The following CPVL variants were observed in gnomAD, a reference collection of about 807,000 sequenced individuals.
CPVL encodes probable serine carboxypeptidase CPVL.
Under a neutral mutation model 63.7 loss-of-function variants are expected in CPVL, and 51 were observed. The ratio of observed to expected loss-of-function variants is 0.80; its 90% CI spans 0.64 to 1.01. CPVL has a LOEUF of 1.01. Ranked by LOEUF, CPVL falls within the 50% of genes least tolerant of loss-of-function variation. The probability of loss-of-function intolerance (pLI) is 0.00; values close to 1 mark genes in which losing one functional copy is unlikely to be tolerated. For synonymous variants in CPVL, 195 were observed against 206.0 expected (o/e 0.95, Z 0.46); for missense variants, 530 against 573.1 (o/e 0.92, Z 0.77).
chr7:29,020,962 G>C (rs1786906989), intron 12 of CPVL, among the ~76,000 whole-genome samples: 2 of 152,158 alleles, frequency 1.3e-5, no homozygotes, highest in Admixed American at 6.5e-5. Context: ...GATCACTTGA[G>C]GTCAGGAGTT....
intron 1 of CPVL, among the ~76,000 whole-genome samples, chr7:29,139,206 A>C (rs1159289038): frequency 6.6e-6 from 1 of 152,218 alleles, no homozygotes. Context: ...CAAGGTCAAA[A>C]GTTCCAGCCT....
rs532430795 is a variant in CPVL, at chr7:29,096,722, G to A, written c.289-505C>T. Among the ~76,000 whole-genome samples, 224 of 152,176 alleles carry A rather than the reference G, an allele frequency of 1.5e-3. 1 individual carries two copies. Among genetic ancestry groups the A allele is most frequent in the African/African-American group, 5.2e-3 (214 of 41,526 alleles). On this transcript the variant is annotated intron_variant, in intron 3 of 12. Transcript: ENST00000265394. ...TTCACAGCTGGTCGCGGTGGCTCAC[G>A]CCTGTAATCCCAGCACTTTGGGAGG... is the stretch of plus-strand genomic sequence containing the variant.
chr7:29,086,442 G>A, intron 7 of CPVL, 42 bp downstream of exon 7: 2 of 1,346,634 alleles, frequency 1.5e-6, no homozygotes, highest in Non-Finnish European at 2.1e-6. Context: ...TGTCAGTTCT[G>A]GTGATGTTTG....
intron 1 of CPVL, among the ~76,000 whole-genome samples, chr7:29,132,768 C>G (rs1476585968): frequency 6.6e-6 from 1 of 152,106 alleles, no homozygotes; most frequent in African/African-American, 2.4e-5. Flanking sequence ...GTTTTGAGCT[C>G]CCTCAGAGGC....
At chr7:29,133,429 A>C (rs1461764966) in intron 1 of CPVL, among the ~76,000 whole-genome samples, 1 of 152,224 alleles carries the variant, frequency 6.6e-6, no homozygotes, top group East Asian at 1.9e-4. Context: ...CTAGAAGTCT[A>C]TCCTTGGCCC....
intron 5 of CPVL, among the ~76,000 whole-genome samples, chr7:29,155,478 C>T (rs1794232077): frequency 6.6e-6 from 1 of 152,174 alleles, no homozygotes; most frequent in African/African-American, 2.4e-5. Flanking sequence ...TTATATTCTC[C>T]ATTTTCTAAT....
chr7:29,039,401 G>A (rs976026528), intron 11 of CPVL, among the ~76,000 whole-genome samples: 6 of 152,110 alleles, frequency 3.9e-5, no homozygotes, highest in African/African-American at 1.4e-4. Flanking sequence ...AGAAGAGTAC[G>A]TTTACAGACA....
Position 29,072,416 on chromosome 7 carries a change from G to A in CPVL, c.617C>T (p.Ala206Val). ...TGCAATGGCTGGCACATATTTCCCT[G>A]CATAAGACTGAGAAGGACAGATGTT... is the stretch of plus-strand genomic sequence containing the variant. ...NDFYVTGESY[A>V]GKYVPAIAHL... The change falls in exon 8 of 13, where the codon GCA becomes GTA. Residue 206 changes from alanine (A) to valine (V), a missense_variant. Transcript: ENST00000265394. 12 of 1,613,738 alleles carry A rather than the reference G, an allele frequency of 7.4e-6. No homozygotes were observed. Among genetic ancestry groups the A allele is most frequent in the Non-Finnish European group, 1.0e-5 (12 of 1,179,818 alleles).
intron 5 of CPVL, among the ~76,000 whole-genome samples, chr7:29,170,327 C>T (rs1265109042): frequency 6.6e-6 from 1 of 152,158 alleles, no homozygotes; most frequent in African/African-American, 2.4e-5. Flanking sequence ...TCTTCAAACA[C>T]AAGATTTTAA....
chr7:29,029,026 T>A lies in CPVL; in HGVS notation c.1320+1551A>T, dbSNP rs569731265. Among the ~76,000 whole-genome samples the A allele has an allele frequency of 2.1e-5, 3 of 144,168 alleles. No homozygotes were observed. In the South Asian group the frequency reaches 6.7e-4, roughly 32 times the overall value. The allele number at this position is 144,168 out of a possible 152,430, so 94.6% of individuals were successfully genotyped here. On this transcript the variant is annotated intron_variant, in intron 12 of 12. Transcript: ENST00000265394. The stretch of plus-strand genomic sequence containing the variant: ...AATAGACATTTCTCAAAAGAAGACA[T>A]ACAGGTGCCCAACAGGTATATGGAA...
chr7:29,146,425 T>G lies in CPVL; in HGVS notation c.-11+4A>C. 1 of 1,145,476 alleles carries G rather than the reference T, an allele frequency of 8.7e-7. No individual in the cohort carries two copies. The highest frequency in any genetic ancestry group is 1.2e-6 in the Non-Finnish European group (1 of 838,142). 71.0% of individuals were successfully genotyped at this position (1,145,476 alleles called of 1,614,324 possible). On this transcript the variant is annotated splice_donor_region_variant and intron_variant, in intron 1 of 12. Coordinates refer to ENST00000265394, the MANE Select transcript of CPVL (RefSeq NM_031311.5). ...ACGACCCACGCAGGGCAGGCGGCAC[T>G]TACGCGGCGCAGTCGGTGCTCCTCC...
intron 7 of CPVL, among the ~76,000 whole-genome samples, chr7:29,075,002 T>C (rs1784102983): frequency 6.6e-6 from 1 of 152,140 alleles, no homozygotes; most frequent in African/African-American, 2.4e-5. Context: ...ATGACTTATC[T>C]GGCATTACTT....
intron 1 of CPVL, among the ~76,000 whole-genome samples, chr7:29,142,391 T>C (rs1453150764): frequency 1.3e-5 from 2 of 152,198 alleles, no homozygotes; most frequent in Non-Finnish European, 2.9e-5. Context: ...GACATTGCTA[T>C]TGGGCATTTC....
chr7:29,042,073 T>TA (rs1299882070), intron 11 of CPVL, among the ~76,000 whole-genome samples: 1 of 147,744 alleles, frequency 6.8e-6, no homozygotes, highest in African/African-American at 2.7e-5. Flanking sequence ...AGCTGCGAAG[T>TA]AACAGAAGTA....
At chr7:29,071,748 G>A (rs1300704789) in intron 9 of CPVL, 25 bp downstream of exon 9, 3 of 1,588,270 alleles carry the variant, frequency 1.9e-6, no homozygotes, top group Non-Finnish European at 2.6e-6. Context: ...TTGCTCAAGG[G>A]CAGCACAGGG....
intron 1 of CPVL, chr7:29,127,051 C>T (rs1185193846): frequency 6.6e-6 from 1 of 152,122 alleles, no homozygotes; most frequent in African/African-American, 2.4e-5. Context: ...ATTAGTCATC[C>T]CTGTCTCTGC....
chr7:29,179,109 C>T (rs572062094), intron 5 of CPVL, among the ~76,000 whole-genome samples: 1 of 152,208 alleles, frequency 6.6e-6, no homozygotes, highest in African/African-American at 2.4e-5. Context: ...GACACACTTA[C>T]AGTCCTCATG....
intron 1 of CPVL, among the ~76,000 whole-genome samples, chr7:29,188,296 T>G (rs1798969519): frequency 6.6e-6 from 1 of 152,194 alleles, no homozygotes; most frequent in Non-Finnish European, 1.5e-5. Flanking sequence ...AATATAAGAT[T>G]AAATAATTTG....
chr7:29,107,293 A>G (rs1361225481), intron 3 of CPVL, among the ~76,000 whole-genome samples: 3 of 152,232 alleles, frequency 2.0e-5, no homozygotes, highest in Admixed American at 2.0e-4. Context: ...ATGAATGAAG[A>G]GCACTGGGAA....
Sources: allele counts gnomAD v4.1 joint callset (sites outside exome capture counted in the v4.1 genomes callset), GRCh38; gene constraint gnomAD v4.1.1; transcripts MANE v1.5; gene names NCBI Gene and HGNC (gene_info 2026-07-23, HGNC 2026-07-21).